L3MBTL4: variants seen among roughly 807,000 people sequenced by gnomAD.
L3MBTL4 encodes L3MBTL histone methyl-lysine binding protein 4.
L3MBTL4 carries 70 observed loss-of-function variants against 84.5 expected under a neutral mutation model. The observed-to-expected ratio is 0.83, with a 90% CI of 0.68 to 1.01. The LOEUF (loss-of-function observed/expected upper bound fraction) is 1.01, where lower values mean the gene tolerates loss of function less well. L3MBTL4 is among the 50% of genes least tolerant of loss of function. The pLI, the probability that L3MBTL4 is intolerant of heterozygous loss-of-function variation, is 0.00. For missense variants in L3MBTL4, 715 were observed against 754.8 expected (o/e 0.95, Z 0.62); for synonymous variants, 274 against 259.8 (o/e 1.05, Z -0.52).
intron 4 of L3MBTL4, among the ~76,000 whole-genome samples, chr18:6,287,099 A>G (rs979732633): frequency 2.0e-5 from 3 of 152,114 alleles, no homozygotes; most frequent in African/African-American, 4.8e-5. Context: ...CTTGCATTTT[A>G]ATTGGCTTTT....
chr18:5,957,036 G>A (rs1256021587), intron 18 of L3MBTL4, among the ~76,000 whole-genome samples: 1 of 152,136 alleles, frequency 6.6e-6, no homozygotes, highest in Non-Finnish European at 1.5e-5. Context: ...ATATTTTGAA[G>A]TCTTTACACC....
intron 4 of L3MBTL4, among the ~76,000 whole-genome samples, chr18:6,277,694 A>G (rs531881942): frequency 6.6e-6 from 1 of 152,254 alleles, no homozygotes; most frequent in Non-Finnish European, 1.5e-5. Flanking sequence ...TCTTCATATA[A>G]GGCCCTTCCC....
At chr18:6,290,274 GTT>G (rs75169205) in intron 4 of L3MBTL4, among the ~76,000 whole-genome samples, 27,942 of 140,582 alleles carry the variant, frequency 0.2, 2,736 homozygotes, top group African/African-American at 0.25. Flanking sequence ...CTGCAGAAGG[GTT>G]TTTTTTTTTT....
At chr18:6,030,392 G>C in intron 16 of L3MBTL4, 2 of 985,304 alleles carry the variant, frequency 2.0e-6, no homozygotes, top group Non-Finnish European at 2.4e-6. Context: ...TGAAATGAAA[G>C]AAAGCAGGAA....
At chr18:5,977,874 C>A (rs1423000903) in intron 16 of L3MBTL4, among the ~76,000 whole-genome samples, 2 of 152,216 alleles carry the variant, frequency 1.3e-5, no homozygotes, top group Non-Finnish European at 2.9e-5. Flanking sequence ...GTAAGTCCTG[C>A]CTCCCCAAGG....
At chr18:6,375,505 C>T (rs2054328381) in intron 1 of L3MBTL4, among the ~76,000 whole-genome samples, 1 of 152,124 alleles carries the variant, frequency 6.6e-6, no homozygotes, top group African/African-American at 2.4e-5. Flanking sequence ...CTGCAACCAC[C>T]ACCCCGATCC....
chr18:6,155,694 T>TGA (rs1416690794), intron 13 of L3MBTL4, among the ~76,000 whole-genome samples: 1 of 152,214 alleles, frequency 6.6e-6, no homozygotes, highest in Non-Finnish European at 1.5e-5. Flanking sequence ...CAAAGTCTCT[T>TGA]ACTTCTTAAA....
chr18:6,022,745 T>C (rs1784818), intron 16 of L3MBTL4, among the ~76,000 whole-genome samples: 25,651 of 152,210 alleles, frequency 0.17, 2,702 homozygotes, highest in African/African-American at 0.29. Flanking sequence ...CACCCGGCCA[T>C]AAGTAAGGCA....
intron 5 of L3MBTL4, among the ~76,000 whole-genome samples, chr18:6,256,084 G>C (rs139024879): frequency 1.4e-3 from 219 of 152,254 alleles, no homozygotes; most frequent in African/African-American, 5.1e-3. Context: ...GAAAGCTTCT[G>C]GGTATCTCAA....
rs56985976 is a variant in L3MBTL4, at chr18:6,038,854, T to C, written c.1444+42027A>G. Among the ~76,000 whole-genome samples the C allele has an allele frequency of 7.5e-3, 1,141 of 152,210 alleles. 21 individuals carry two copies. Among genetic ancestry groups the C allele is most frequent in the African/African-American group, 0.026 (1,078 of 41,522 alleles). On this transcript the variant is annotated intron_variant, in intron 16 of 18. Coordinates refer to ENST00000317931, the MANE Select transcript of L3MBTL4 (RefSeq NM_001330559.2). The stretch of plus-strand genomic sequence containing the variant: ...TGTCTGTGTTCCCCCAAAATTCATA[T>C]GGTGAAATCTTAACCCCCTACGGTT...
At chr18:6,384,914 T>G (rs999602740) in intron 1 of L3MBTL4, among the ~76,000 whole-genome samples, 4 of 152,048 alleles carry the variant, frequency 2.6e-5, no homozygotes, top group Non-Finnish European at 4.4e-5. Context: ...CGTAGAGACA[T>G]ACCTAGAGAC....
chr18:6,126,997 G>C (rs909948239), intron 14 of L3MBTL4, among the ~76,000 whole-genome samples: 43 of 152,268 alleles, frequency 2.8e-4, no homozygotes, highest in Non-Finnish European at 5.4e-4. Context: ...GTGTCACTGA[G>C]GTGCTTTCCT....
At chr18:6,278,374 T>C (rs754882543) in intron 4 of L3MBTL4, among the ~76,000 whole-genome samples, 1 of 152,190 alleles carries the variant, frequency 6.6e-6, no homozygotes, top group African/African-American at 2.4e-5. Flanking sequence ...GTATATATTA[T>C]GTTGGCAGAT....
At chr18:6,189,214 T>C (rs1293021589) in intron 12 of L3MBTL4, among the ~76,000 whole-genome samples, 2 of 152,226 alleles carry the variant, frequency 1.3e-5, no homozygotes, top group Non-Finnish European at 2.9e-5. Context: ...TTTCCTCTTT[T>C]GTCTCTTATA....
intron 3 of L3MBTL4, among the ~76,000 whole-genome samples, chr18:6,303,069 T>C (rs2146848355): frequency 6.6e-6 from 1 of 151,962 alleles, no homozygotes; most frequent in Non-Finnish European, 1.5e-5. Flanking sequence ...AAATGAAGGG[T>C]TTCAAGCAGG....
intron 12 of L3MBTL4, among the ~76,000 whole-genome samples, chr18:6,207,209 C>T (rs748994472): frequency 1.5e-4 from 23 of 152,264 alleles, no homozygotes; most frequent in Non-Finnish European, 2.6e-4. Flanking sequence ...ACAGCAGAGT[C>T]GAGCAGTTAC....
intron 16 of L3MBTL4, among the ~76,000 whole-genome samples, chr18:5,998,192 G>A (rs1286274011): frequency 3.3e-5 from 5 of 152,158 alleles, no homozygotes; most frequent in African/African-American, 1.2e-4. Context: ...GGCCGATGCT[G>A]CATCCTAAAT....
Position 6,080,956 on chromosome 18 carries a change from G to C in L3MBTL4, c.1374-5C>G, listed in dbSNP as rs771586471. On this transcript the variant is annotated splice_region_variant and splice_polypyrimidine_tract_variant and intron_variant, in intron 15 of 18. Coordinates refer to ENST00000317931, the MANE Select transcript of L3MBTL4 (RefSeq NM_001330559.2). ...CACTTTGCCTGCTGTACAAGTCTGG[G>C]CAAAGAACAGAAATAAAATCTAGAT... 2 of 1,592,680 alleles carry C rather than the reference G, an allele frequency of 1.3e-6. No homozygotes were observed. Among genetic ancestry groups the C allele is most frequent in the Non-Finnish European group, 1.7e-6 (2 of 1,166,904 alleles).
chr18:6,266,554 A>C (rs1333968352), intron 4 of L3MBTL4, among the ~76,000 whole-genome samples: 1 of 152,172 alleles, frequency 6.6e-6, no homozygotes, highest in African/African-American at 2.4e-5. Flanking sequence ...CTCTCGAGAC[A>C]ATACAACAAT....
Sources: gnomAD v4.1 joint callset for allele counts (sites outside exome capture counted in the v4.1 genomes callset) on GRCh38, gnomAD v4.1.1 for gene constraint, MANE v1.5 for transcripts, NCBI Gene and HGNC (gene_info 2026-07-23, HGNC 2026-07-21) for gene names.